USP32: variants seen among roughly 807,000 people sequenced by gnomAD.
USP32 encodes ubiquitin carboxyl-terminal hydrolase 32.
A neutral mutation model predicts 204.8 loss-of-function variants in USP32; 59 were observed. The ratio of observed to expected loss-of-function variants is 0.29; its 90% CI spans 0.23 to 0.36. The LOEUF (loss-of-function observed/expected upper bound fraction) is 0.36. Among genes scored for constraint, USP32 ranks in the 10% least tolerant of loss-of-function variants. The pLI, the probability that USP32 is intolerant of heterozygous loss-of-function variation, is 1.00. For synonymous variants in USP32, 517 were observed against 678.4 expected, an observed-to-expected ratio of 0.76 and a Z score of 3.70; for missense variants, 1,160 against 1,946.4, an observed-to-expected ratio of 0.60 and a Z score of 7.60.
chr17:60,203,564 C>T lies in USP32; in HGVS notation c.3249+1883G>A, dbSNP rs117665140. Among the ~76,000 whole-genome samples the T allele has an allele frequency of 1.9e-3, 285 of 151,862 alleles. 7 individuals are homozygous for T. In the East Asian group the frequency reaches 0.053, roughly 28 times the overall value. On this transcript the variant is annotated intron_variant, in intron 26 of 33. Transcript: ENST00000300896. ...CAATTTACTTGATCTAGAAGCCTTG[C>T]TTTCCTTTATTTTATTTATTTATTT...
rs1177387540 is a variant in USP32, at chr17:60,214,611, G to T, written c.2022+9C>A. 6.2e-7 allele frequency: 1 copy of T among 1,611,608 alleles called. No individual in the cohort carries two copies. Among genetic ancestry groups the T allele is most frequent in the East Asian group, 2.2e-5 (1 of 44,826 alleles). ...ATCAGACTCTCTATGACTCTGAGAT[G>T]CCTCTTACCTCACTGTTGTATAGCC... On this transcript the variant is annotated intron_variant, in intron 17 of 33. Coordinates refer to ENST00000300896, the MANE Select transcript of USP32 (RefSeq NM_032582.4).
At position 60,266,101 on chromosome 17, in the gene USP32, A is replaced by T; in HGVS notation, c.812-10T>A. The T allele has an allele frequency of 1.3e-6, 2 of 1,600,000 alleles. No homozygotes were observed. ...AATACCTTGAAGCAAACTAATGAAA[A>T]GAAACTCTTATGGAGGAAAATCATT... On this transcript the variant is annotated splice_polypyrimidine_tract_variant and intron_variant, in intron 7 of 33. Coordinates refer to ENST00000300896, the MANE Select transcript of USP32 (RefSeq NM_032582.4).
chr17:60,302,826 G>A (rs1166355485), intron 2 of USP32, among the ~76,000 whole-genome samples: 1 of 152,110 alleles, frequency 6.6e-6, no homozygotes, highest in Non-Finnish European at 1.5e-5. Context: ...AACACTCTCA[G>A]AAATAAGTAT....
chr17:60,409,013 C>T (rs1457517108), intron 1 of USP32, among the ~76,000 whole-genome samples: 3 of 152,176 alleles, frequency 2.0e-5, no homozygotes, highest in Non-Finnish European at 2.9e-5. Flanking sequence ...GGAGACACAG[C>T]TGAGCATTTC....
At chr17:60,269,613 T>C in intron 6 of USP32, 56 bp from the exon 7 acceptor site, 1 of 1,418,850 alleles carries the variant, frequency 7.0e-7, no homozygotes, top group South Asian at 1.3e-5. Context: ...ATGTTAATAA[T>C]GACATGTTTA....
At position 60,387,202 on chromosome 17, in the gene USP32, C is replaced by T. The variant is rs542831249; in HGVS notation, c.58+4680G>A. On this transcript the variant is annotated intron_variant, in intron 1 of 33. Coordinates refer to ENST00000300896, the MANE Select transcript of USP32 (RefSeq NM_032582.4). ...CACATCATAGGTAGTATAAATCTAACGAAATTTTAAGATTAATACTGAGAA... is the reference window on the plus strand; with the variant it reads ...CACATCATAGGTAGTATAAATCTAATGAAATTTTAAGATTAATACTGAGAA... Among the ~76,000 whole-genome samples the T allele has an allele frequency of 4.6e-5, 7 of 152,206 alleles. No homozygotes were observed. The South Asian group carries it at 8.3e-4, about 18-fold the overall frequency.
intron 1 of USP32, among the ~76,000 whole-genome samples, chr17:60,410,519 T>C (rs934726761): frequency 6.6e-6 from 1 of 151,544 alleles, no homozygotes; most frequent in Non-Finnish European, 1.5e-5. Flanking sequence ...ATACAAAAAA[T>C]TAGCTGGGCG....
rs568175658 is a variant in USP32 at position 60,222,566 on chromosome 17, T to A, written c.1609-17A>T. 4.4e-6 allele frequency: 7 copies of A among 1,607,382 alleles called. No individual in the cohort carries two copies. The highest frequency in any genetic ancestry group is 6.0e-6 in the Non-Finnish European group (7 of 1,175,786). ...TGATGTAGCCTGAGAAAGAATAGAA[T>A]GACAATGTTGACTTTCAATATTACA... On this transcript the variant is annotated splice_polypyrimidine_tract_variant and intron_variant, in intron 14 of 33. Coordinates refer to ENST00000300896, the MANE Select transcript of USP32 (RefSeq NM_032582.4).
Position 60,223,485 on chromosome 17 carries a change from T to C in USP32, c.1534A>G (p.Ile512Val), listed in dbSNP as rs1303391469. The C allele has an allele frequency of 6.2e-7, 1 of 1,613,902 alleles. No individual in the cohort carries two copies. The highest frequency in any genetic ancestry group is 1.1e-5 in the South Asian group (1 of 91,030). Residue 512 changes from isoleucine to valine, a missense_variant, in exon 14 of 34, where the codon ATT becomes GTT. Transcript: ENST00000300896. ...NQCLLGANGNILLHLNPQKPG... is the reference protein window; with the variant it reads ...NQCLLGANGNVLLHLNPQKPG... ...TTCTGAGGGTTAAGGTGCAACAAAA[T>C]ATTCCCATTGGCTCCCAGCAAACAC...
intron 1 of USP32, among the ~76,000 whole-genome samples, chr17:60,347,277 C>G (rs1343819638): frequency 3.3e-5 from 5 of 151,678 alleles, no homozygotes; most frequent in African/African-American, 2.4e-5. Flanking sequence ...CTCTGTCTCC[C>G]AGGTTCAAGC....
intron 12 of USP32, among the ~76,000 whole-genome samples, chr17:60,232,168 C>CTTTTTTTTTTTT (rs58707657): frequency 3.7e-5 from 4 of 109,474 alleles, no homozygotes; most frequent in Non-Finnish European, 5.6e-5. Context: ...TTTTCTTTTT[C>CTTTTTTTTTTTT]TTTTTTTTTT....
chr17:60,302,483 G>A (rs988783477), intron 2 of USP32, among the ~76,000 whole-genome samples: 1 of 152,202 alleles, frequency 6.6e-6, no homozygotes, highest in African/African-American at 2.4e-5. Context: ...AAGCTCTGAT[G>A]TTTGGTAGGT....
At chr17:60,401,078 C>T (rs1201630237) in intron 1 of USP32, among the ~76,000 whole-genome samples, 1 of 151,972 alleles carries the variant, frequency 6.6e-6, no homozygotes, top group Non-Finnish European at 1.5e-5. Context: ...ATGGCTTGAA[C>T]CGGGGAGGTA....
chr17:60,355,995 C>T (rs953086595), intron 1 of USP32, among the ~76,000 whole-genome samples: 1 of 151,456 alleles, frequency 6.6e-6, no homozygotes. Flanking sequence ...AAAAATCTCC[C>T]TAAGCTGTAA....
At chr17:60,347,983 C>A (rs1598272683) in intron 1 of USP32, among the ~76,000 whole-genome samples, 1 of 151,744 alleles carries the variant, frequency 6.6e-6, no homozygotes, top group East Asian at 2.0e-4. Context: ...TTAGCCAGGC[C>A]TGGTGGCGGG....
chr17:60,261,823 T>C lies in USP32; in HGVS notation c.990+3589A>G, dbSNP rs181312879. Reference sequence around the variant, plus strand: ...TTAAGATGATAATCTGATTCTTTTATATAACCACAAATATTCAAGGAACAA... The same window carrying C: ...TTAAGATGATAATCTGATTCTTTTACATAACCACAAATATTCAAGGAACAA... On this transcript the variant is annotated intron_variant, in intron 9 of 33. Coordinates refer to ENST00000300896, the MANE Select transcript of USP32 (RefSeq NM_032582.4). Among the ~76,000 whole-genome samples, 13 of 152,310 alleles carry C rather than the reference T, an allele frequency of 8.5e-5. No individual in the cohort carries two copies. The East Asian group carries it at 2.5e-3, about 29-fold the overall frequency.
intron 4 of USP32, among the ~76,000 whole-genome samples, chr17:60,291,492 T>C (rs913655468): frequency 2.0e-5 from 3 of 152,040 alleles, no homozygotes; most frequent in African/African-American, 2.4e-5. Context: ...ATCTAAGCAC[T>C]AGGTCCTTAT....
At position 60,223,434 on chromosome 17, in the gene USP32, A is replaced by T. The variant is rs1397709777; in HGVS notation, c.1585T>A (p.Leu529Ile). The T allele has an allele frequency of 6.2e-7, 1 of 1,610,920 alleles. No individual in the cohort carries two copies. The highest frequency in any genetic ancestry group is 8.5e-7 in the Non-Finnish European group (1 of 1,179,310). Residue 529 changes from leucine to isoleucine, a missense_variant, in exon 14 of 34, where the codon TTA (leucine) becomes ATA (isoleucine). Around this residue, in one of 8 missense-constraint regions of USP32, gnomAD observed 536 missense variants for 680.9 expected, o/e 0.79. Coordinates refer to ENST00000300896, the MANE Select transcript of USP32 (RefSeq NM_032582.4). The stretch of plus-strand genomic sequence containing the variant: ...ACCTTTACTGGTTCTTGAGTTACTA[A>T]TGGCTGATTATCAATAGCCCCTGGT... Reference protein sequence around the residue: ...QKPGAIDNQPLVTQEPVKATS... With the variant: ...QKPGAIDNQPIVTQEPVKATS...
intron 2 of USP32, among the ~76,000 whole-genome samples, chr17:60,322,774 CTT>C (rs978957676): frequency 7.9e-5 from 12 of 152,232 alleles, no homozygotes; most frequent in African/African-American, 2.9e-4. Flanking sequence ...AAACAGAAAA[CTT>C]TAACATTCTT....
Sources: gnomAD v4.1 joint callset for allele counts (sites outside exome capture counted in the v4.1 genomes callset) on GRCh38, gnomAD v4.1.1 for gene constraint, gnomAD v4.1.1 regional missense constraint, MANE v1.5 for transcripts, NCBI Gene and HGNC (gene_info 2026-07-23, HGNC 2026-07-21) for gene names.